The following LRRC4C variants were observed in gnomAD, a reference collection of about 807,000 sequenced individuals.
LRRC4C encodes leucine rich repeat containing 4C.
Under a neutral mutation model 33.6 loss-of-function variants are expected in LRRC4C, and 5 were observed. The ratio of observed to expected loss-of-function variants is 0.15; its 90% confidence interval spans 0.08 to 0.31. The LOEUF (loss-of-function observed/expected upper bound fraction) is 0.31. Ranked by LOEUF, LRRC4C falls within the 10% of genes least tolerant of loss-of-function variation. The pLI, the probability that LRRC4C is intolerant of heterozygous loss-of-function variation, is 1.00. For missense variants in LRRC4C, 560 were observed against 796.7 expected (o/e 0.70, Z 3.58); for synonymous variants, 329 against 302.0 (o/e 1.09, Z -0.93).
intron 1 of LRRC4C, among the ~76,000 whole-genome samples, chr11:41,451,583 A>G (rs1319404920): frequency 6.6e-6 from 1 of 152,162 alleles, no homozygotes; most frequent in Non-Finnish European, 1.5e-5. Context: ...GAGGCATGAC[A>G]GGTCAAGGAT....
intron 1 of LRRC4C, among the ~76,000 whole-genome samples, chr11:41,015,608 C>T (rs769999273): frequency 2.0e-5 from 3 of 152,090 alleles, no homozygotes; most frequent in Non-Finnish European, 4.4e-5. Context: ...GCCACTGAGC[C>T]GGGCCTGATA....
At chr11:41,322,306 C>T (rs1039897601) in intron 1 of LRRC4C, among the ~76,000 whole-genome samples, 1 of 151,984 alleles carries the variant, frequency 6.6e-6, no homozygotes, top group Non-Finnish European at 1.5e-5. Flanking sequence ...TTTTCCCTCA[C>T]TTTGAACTTA....
At position 40,764,542 on chromosome 11, in the gene LRRC4C, C is replaced by T. The variant is rs185295050; in HGVS notation, c.-406-116264G>A. Among the ~76,000 whole-genome samples, 14 of 152,204 alleles carry T rather than the reference C, an allele frequency of 9.2e-5. No individual in the cohort carries two copies. The East Asian group carries it at 1.6e-3, about 17-fold the overall frequency. ...ACCTTTGGCTGGGGAGAGAGCTTACCGCCTTGAAGTTAAGGAGATAAGCCT... is the reference window on the plus strand; with the variant it reads ...ACCTTTGGCTGGGGAGAGAGCTTACTGCCTTGAAGTTAAGGAGATAAGCCT... On this transcript the variant is annotated intron_variant, in intron 2 of 6. Transcript: ENST00000528697.
intron 2 of LRRC4C, among the ~76,000 whole-genome samples, chr11:40,853,583 C>T (rs1953618249): frequency 6.6e-6 from 1 of 151,990 alleles, no homozygotes; most frequent in South Asian, 2.1e-4. Context: ...CAAGAAAAGA[C>T]AAATGCAATC....
chr11:40,331,937 A>G (rs1046074497), intron 3 of LRRC4C, among the ~76,000 whole-genome samples: 1 of 152,172 alleles, frequency 6.6e-6, no homozygotes, highest in Non-Finnish European at 1.5e-5. Flanking sequence ...GTTCATTTAT[A>G]TATATTCTAT....
At chr11:41,325,725 TTC>T in intron 1 of LRRC4C, among the ~76,000 whole-genome samples, 1 of 151,970 alleles carries the variant, frequency 6.6e-6, no homozygotes, top group South Asian at 2.1e-4. Context: ...CAGCAAAAGA[TTC>T]TGTTAGGAAT....
intron 1 of LRRC4C, among the ~76,000 whole-genome samples, chr11:41,067,591 C>G (rs1196177448): frequency 6.6e-6 from 1 of 152,194 alleles, no homozygotes; most frequent in East Asian, 1.9e-4. Context: ...AACTCTCCAC[C>G]CCAAATGAAC....
intron 3 of LRRC4C, among the ~76,000 whole-genome samples, chr11:40,625,549 C>T (rs1328785412): frequency 6.6e-6 from 1 of 152,090 alleles, no homozygotes; most frequent in Non-Finnish European, 1.5e-5. Context: ...AAGGGTCCCT[C>T]CTAGGACACA....
In LRRC4C at chr11:40,494,873, C is replaced by A. The variant is rs532410851; in HGVS notation, c.-270+153269G>T. 2.0e-5 allele frequency among the ~76,000 whole-genome samples: 3 copies of A among 152,276 alleles called. No individual in the cohort carries two copies. In the South Asian group the frequency reaches 6.2e-4, roughly 32 times the overall value. On this transcript the variant is annotated intron_variant, in intron 3 of 6. Coordinates refer to ENST00000528697, the MANE Select transcript of LRRC4C (RefSeq NM_001258419.2). ...TAAGTACAAGGAATTTGCAATCAGA[C>A]TGTTTGAATCCCAACTTAACTTGGA... is the stretch of plus-strand genomic sequence containing the variant.
At chr11:40,966,167 T>C (rs528763248) in intron 1 of LRRC4C, among the ~76,000 whole-genome samples, 81 of 152,096 alleles carry the variant, frequency 5.3e-4, no homozygotes, top group African/African-American at 1.8e-3. Flanking sequence ...CGTAATTTCA[T>C]TAGCATGTTA....
chr11:40,660,872 A>G (rs1310172601), intron 2 of LRRC4C, among the ~76,000 whole-genome samples: 1 of 152,236 alleles, frequency 6.6e-6, no homozygotes, highest in Non-Finnish European at 1.5e-5. Context: ...ATTAAAGATG[A>G]AATCTTTGCA....
chr11:41,209,225 TAATATTAAATATACATA>T (rs1946721924), intron 1 of LRRC4C, among the ~76,000 whole-genome samples: 1 of 149,588 alleles, frequency 6.7e-6, no homozygotes, highest in Non-Finnish European at 1.5e-5. Context: ...AAATATATAC[TAATATTAAATATACATA>T]AATATTAAAT....
At position 41,379,825 on chromosome 11, in the gene LRRC4C, C is replaced by T. The variant is rs370148488; in HGVS notation, c.-496+79606G>A. 1.8e-4 allele frequency among the ~76,000 whole-genome samples: 27 copies of T among 152,216 alleles called. No homozygotes were observed. In the East Asian group the frequency reaches 4.3e-3, roughly 24 times the overall value. On this transcript the variant is annotated intron_variant, in intron 1 of 6. Coordinates refer to ENST00000528697, the MANE Select transcript of LRRC4C (RefSeq NM_001258419.2). ...AATAATTAAACAAGATCTATGTCTT[C>T]GTAATTATTCTCAGTATGAAATTTA...
At chr11:40,877,092 T>G (rs1179822864) in intron 2 of LRRC4C, among the ~76,000 whole-genome samples, 2 of 151,458 alleles carry the variant, frequency 1.3e-5, no homozygotes, top group Non-Finnish European at 2.9e-5. Flanking sequence ...GTTGATAATT[T>G]AAACTCATCC....
At position 41,114,234 on chromosome 11, in the gene LRRC4C, A is replaced by G. The variant is rs1312890101; in HGVS notation, c.-495-180511T>C. Among the ~76,000 whole-genome samples the G allele has an allele frequency of 2.0e-5, 3 of 152,188 alleles. No homozygotes were observed. The East Asian group carries it at 5.8e-4, about 29-fold the overall frequency. On this transcript the variant is annotated intron_variant, in intron 1 of 6. Coordinates refer to ENST00000528697, the MANE Select transcript of LRRC4C (RefSeq NM_001258419.2). ...TTCCAAGAAAATTTTCAATGGCTTT[A>G]AATCTTTTTTTAAAAATCTGTTATT...
intron 1 of LRRC4C, among the ~76,000 whole-genome samples, chr11:41,279,421 CACACA>C (rs1949591754): frequency 2.1e-5 from 3 of 143,282 alleles, no homozygotes; most frequent in East Asian, 4.1e-4. Flanking sequence ...CACACACACA[CACACA>C]CACCGTGGCA....
chr11:40,208,977 G>GTGTGTA (rs1438626988), intron 5 of LRRC4C, among the ~76,000 whole-genome samples: 8 of 151,740 alleles, frequency 5.3e-5, no homozygotes, highest in Non-Finnish European at 1.2e-4. Flanking sequence ...GTGTGTGTGT[G>GTGTGTA]TGTTTCTTCC....
chr11:40,717,574 T>A (rs937498035), intron 2 of LRRC4C, among the ~76,000 whole-genome samples: 10 of 151,910 alleles, frequency 6.6e-5, no homozygotes, highest in African/African-American at 2.4e-4. Flanking sequence ...TTTGGGGGGG[T>A]ACAGATTAGG....
chr11:40,230,380 G>A (rs1026433109), intron 5 of LRRC4C, among the ~76,000 whole-genome samples: 1 of 152,124 alleles, frequency 6.6e-6, no homozygotes, highest in African/African-American at 2.4e-5. Context: ...ACTAATTTGG[G>A]GTATAAGGGG....
Sources: gnomAD v4.1 joint callset for allele counts (sites outside exome capture counted in the v4.1 genomes callset) on GRCh38, gnomAD v4.1.1 for gene constraint, MANE v1.5 for transcripts, NCBI Gene and HGNC (gene_info 2026-07-23, HGNC 2026-07-21) for gene names.